The following PCLO variants were observed in gnomAD, a reference collection of about 807,000 sequenced individuals.
The protein encoded by PCLO is piccolo presynaptic cytomatrix protein, also known as protein piccolo.
PCLO carries 82 observed loss-of-function variants against 427.5 expected under a neutral mutation model. The observed-to-expected ratio is 0.19, with a 90% CI of 0.16 to 0.23. The LOEUF (loss-of-function observed/expected upper bound fraction) is 0.23. PCLO is among the 10% of genes least tolerant of loss of function. The pLI, the probability that PCLO is intolerant of heterozygous loss-of-function variation, is 1.00. For synonymous variants in PCLO, 2,357 were observed against 2,155.4 expected (o/e 1.09, Z -2.59); for missense variants, 6,239 against 6,115.9 (o/e 1.02, Z -0.67).
chr7:82,816,167 A>C (rs529811601), intron 20 of PCLO, among the ~76,000 whole-genome samples: 10 of 152,264 alleles, frequency 6.6e-5, no homozygotes, highest in Non-Finnish European at 1.3e-4. Flanking sequence ...TGCACAATGA[A>C]GAATGGGTGA....
chr7:82,915,499 T>C lies in PCLO; in HGVS notation c.12487A>G (p.Lys4163Glu). The change falls in exon 7 of 25, where the codon AAG becomes GAG. Residue 4163 changes from lysine to glutamate, a missense_variant. Lys to Glu is a moderately conservative substitution (Grantham distance 56). Coordinates refer to ENST00000333891, the MANE Select transcript of PCLO (RefSeq NM_033026.6). The stretch of plus-strand genomic sequence containing the variant: ...AGTGTGAGTCTACTGATGCTATACT[T>C]CTCAGATTTTGGAAAATGTCTGTAG... The part of the protein sequence containing the change: ...TSYRHFPKSE[K>E]YSISRLTLEK... The C allele has an allele frequency of 6.2e-7, 1 of 1,613,712 alleles. No individual in the cohort carries two copies. Among genetic ancestry groups the C allele is most frequent in the Non-Finnish European group, 8.5e-7 (1 of 1,179,704 alleles).
intron 10 of PCLO, among the ~76,000 whole-genome samples, chr7:82,851,396 G>A (rs895886337): frequency 5.9e-5 from 9 of 151,802 alleles, no homozygotes; most frequent in African/African-American, 2.2e-4. Context: ...GTGAGAAACA[G>A]GATCTGACCT....
At chr7:82,840,297 C>T (rs1792335864) in intron 14 of PCLO, among the ~76,000 whole-genome samples, 1 of 151,932 alleles carries the variant, frequency 6.6e-6, no homozygotes, top group Admixed American at 6.6e-5. Context: ...AACGTGTCAA[C>T]CTTCTGCACA....
At chr7:83,022,222 C>T (rs1276372251) in intron 3 of PCLO, among the ~76,000 whole-genome samples, 1 of 152,136 alleles carries the variant, frequency 6.6e-6, no homozygotes, top group Non-Finnish European at 1.5e-5. Flanking sequence ...TGGATGCACA[C>T]CTGACACCAA....
chr7:83,033,894 C>T (rs1788730531), intron 3 of PCLO, among the ~76,000 whole-genome samples: 1 of 152,142 alleles, frequency 6.6e-6, no homozygotes, highest in African/African-American at 2.4e-5. Context: ...TATTCCTTCT[C>T]CCTTTATTTG....
chr7:82,998,859 C>A (rs1231091045), intron 3 of PCLO, among the ~76,000 whole-genome samples: 2 of 151,594 alleles, frequency 1.3e-5, no homozygotes, highest in African/African-American at 2.4e-5. Flanking sequence ...CCAGGCATGG[C>A]AGAATGTTGC....
chr7:83,140,281 A>C (rs1174982664), intron 2 of PCLO, among the ~76,000 whole-genome samples: 1 of 152,146 alleles, frequency 6.6e-6, no homozygotes, highest in African/African-American at 2.4e-5. Context: ...TTTCTCAAAC[A>C]CTTCACATTT....
chr7:82,995,856 G>A lies in PCLO; in HGVS notation c.3301-29369C>T, dbSNP rs565818998. Reference sequence around the variant, plus strand: ...CGGTATATAGTAAACATTACATGAGGGTTTCTTAATGTTTTGTTTGACATA... The same window carrying A: ...CGGTATATAGTAAACATTACATGAGAGTTTCTTAATGTTTTGTTTGACATA... On this transcript the variant is annotated intron_variant, in intron 3 of 24. Coordinates refer to ENST00000333891, the MANE Select transcript of PCLO (RefSeq NM_033026.6). Among the ~76,000 whole-genome samples, 6 of 151,844 alleles carry A rather than the reference G, an allele frequency of 4.0e-5. No individual in the cohort carries two copies. The Admixed American group carries it at 4.0e-4, about 10-fold the overall frequency.
intron 6 of PCLO, among the ~76,000 whole-genome samples, chr7:82,945,732 C>T (rs1795187470): frequency 6.6e-6 from 1 of 152,120 alleles, no homozygotes; most frequent in African/African-American, 2.4e-5. Context: ...TGTACCTTTA[C>T]AGTTTATCAC....
chr7:82,963,869 C>T (rs1199958759), intron 4 of PCLO, among the ~76,000 whole-genome samples: 4 of 151,476 alleles, frequency 2.6e-5, no homozygotes, highest in African/African-American at 7.3e-5. Flanking sequence ...AATACATATA[C>T]ACATATTGAG....
intron 3 of PCLO, among the ~76,000 whole-genome samples, chr7:83,002,251 G>T (rs1347822354): frequency 6.7e-6 from 1 of 150,050 alleles, no homozygotes; most frequent in Admixed American, 6.7e-5. Flanking sequence ...TTCTCTCTCT[G>T]TTAAATACTG....
intron 3 of PCLO, among the ~76,000 whole-genome samples, chr7:83,112,361 G>C (rs1321749364): frequency 6.6e-6 from 1 of 152,040 alleles, no homozygotes; most frequent in East Asian, 1.9e-4. Flanking sequence ...TGGCCTGATT[G>C]TATTTTTTTA....
chr7:82,940,527 T>G (rs760505487), intron 6 of PCLO, among the ~76,000 whole-genome samples: 1 of 152,260 alleles, frequency 6.6e-6, no homozygotes. Flanking sequence ...CACACATTTA[T>G]ATTTAATCAT....
At chr7:82,940,856 G>A (rs1244062887) in intron 6 of PCLO, among the ~76,000 whole-genome samples, 4 of 144,512 alleles carry the variant, frequency 2.8e-5, no homozygotes, top group South Asian at 4.5e-4. Flanking sequence ...TCCGCCTCCC[G>A]GGTTCATGCC....
intron 3 of PCLO, among the ~76,000 whole-genome samples, chr7:82,997,479 T>G (rs1787655041): frequency 6.6e-6 from 1 of 151,884 alleles, no homozygotes; most frequent in African/African-American, 2.4e-5. Context: ...AAATCTTAAA[T>G]AAGTTTTTCA....
intron 3 of PCLO, among the ~76,000 whole-genome samples, chr7:83,023,196 T>A (rs1178738971): frequency 6.6e-6 from 1 of 152,214 alleles, no homozygotes; most frequent in Non-Finnish European, 1.5e-5. Flanking sequence ...GCAAAATGAT[T>A]TTATGACTTC....
chr7:82,953,472 G>A lies in PCLO; in HGVS notation c.7481C>T (p.Pro2494Leu). The A allele has an allele frequency of 6.2e-7, 1 of 1,613,354 alleles. No individual in the cohort carries two copies. Among genetic ancestry groups the A allele is most frequent in the Non-Finnish European group, 8.5e-7 (1 of 1,179,754 alleles). Residue 2494 changes from proline (P) to leucine (L), a missense_variant, in exon 5 of 25, where the codon CCA (proline) becomes CTA (leucine). Physicochemically the swap from Pro to Leu is moderately conservative, Grantham distance 98. Around this residue, in one of 5 missense-constraint regions of PCLO, gnomAD observed 4,677 missense variants for 4,468.4 expected, o/e 1.05. Coordinates refer to ENST00000333891, the MANE Select transcript of PCLO (RefSeq NM_033026.6). ...PPVPPKPSSI[P>L]SGLVFTHRPE... Reference sequence around the variant, plus strand: ...CCTGTGGGTAAATACAAGTCCAGATGGAATTGAAGATGGCTTAGGAGGAAC... The same window carrying A: ...CCTGTGGGTAAATACAAGTCCAGATAGAATTGAAGATGGCTTAGGAGGAAC...
chr7:83,113,424 T>C (rs1244184552), intron 3 of PCLO, among the ~76,000 whole-genome samples: 1 of 152,206 alleles, frequency 6.6e-6, no homozygotes, highest in African/African-American at 2.4e-5. Flanking sequence ...CCTGATTTTA[T>C]AATGAGAATT....
intron 10 of PCLO, among the ~76,000 whole-genome samples, chr7:82,870,994 T>TTTTTA (rs2115986843): frequency 6.6e-6 from 1 of 152,040 alleles, no homozygotes; most frequent in Admixed American, 6.6e-5. Context: ...AGAGAAATGC[T>TTTTTA]CATACACTGT....
Sources: gnomAD v4.1 joint callset for allele counts (sites outside exome capture counted in the v4.1 genomes callset) on GRCh38, gnomAD v4.1.1 for gene constraint, gnomAD v4.1.1 regional missense constraint, MANE v1.5 for transcripts, NCBI Gene and HGNC (gene_info 2026-07-23, HGNC 2026-07-21) for gene names.